PPP2R5C: variants seen among roughly 807,000 people sequenced by gnomAD.
The protein encoded by PPP2R5C is protein phosphatase 2 regulatory subunit B'gamma.
In PPP2R5C, 7 loss-of-function variants were observed where a neutral mutation model predicts 68.9. That is an observed-to-expected ratio of 0.10 (90% CI 0.06 to 0.19). The LOEUF is 0.19. Among genes scored for constraint, PPP2R5C ranks in the 10% least tolerant of loss-of-function variants. The probability of loss-of-function intolerance (pLI) is 1.00; values close to 1 mark genes in which losing one functional copy is unlikely to be tolerated. For synonymous variants in PPP2R5C, 210 were observed against 222.2 expected (o/e 0.95, Z 0.49); for missense variants, 348 against 641.3 (o/e 0.54, Z 4.94).
intron 2 of PPP2R5C, among the ~76,000 whole-genome samples, chr14:101,784,352 TA>T (rs976602283): frequency 1.3e-5 from 2 of 152,166 alleles, no homozygotes; most frequent in African/African-American, 4.8e-5. Context: ...CACACAGCTA[TA>T]AAAAACTACC....
intron 1 of PPP2R5C, among the ~76,000 whole-genome samples, chr14:101,827,270 C>G (rs1195626056): frequency 1.3e-5 from 2 of 152,096 alleles, no homozygotes; most frequent in Non-Finnish European, 2.9e-5. Context: ...GCCACTACAC[C>G]CAGCCTTGTT....
intron 2 of PPP2R5C, among the ~76,000 whole-genome samples, chr14:101,867,279 C>T (rs1222088888): frequency 6.6e-6 from 1 of 151,420 alleles, no homozygotes; most frequent in Non-Finnish European, 1.5e-5. Context: ...CGCACGCCTG[C>T]ACCTATATGC....
intron 3 of PPP2R5C, among the ~76,000 whole-genome samples, chr14:101,802,858 A>C (rs2038923966): frequency 6.6e-6 from 1 of 151,892 alleles, no homozygotes; most frequent in South Asian, 2.1e-4. Flanking sequence ...TGACCAATAA[A>C]TGCATGAAAA....
chr14:101,825,058 C>T lies in PPP2R5C; in HGVS notation c.94+15022C>T, dbSNP rs1045880319. 3 of 152,198 alleles carry T rather than the reference C, an allele frequency of 2.0e-5. No individual in the cohort carries two copies. The highest frequency in any genetic ancestry group is 7.2e-5 in the African/African-American group (3 of 41,424). 9.4% of individuals were successfully genotyped at this position (152,198 alleles called of 1,614,324 possible). On this transcript the variant is annotated intron_variant, in intron 1 of 13. Coordinates refer to ENST00000334743, the Ensembl canonical transcript of PPP2R5C. This position sits in a 1 kb window ranked among gnomAD's most constrained non-coding sequence, Gnocchi z 4.0. ...GAGAGCAGTTAAGTGGAAGGCAAGA[C>T]GCAGCAGTGGCTTCTCACGCCATCT...
At chr14:101,808,041 C>T (rs1167367660), upstream of PPP2R5C, among the ~76,000 whole-genome samples, 4 of 150,800 alleles carry the variant, frequency 2.7e-5, no homozygotes, top group African/African-American at 9.8e-5. Context: ...CTTCCTGAGC[C>T]CCTGAACGCC....
At chr14:101,791,173 G>A (rs892816737) in intron 3 of PPP2R5C, among the ~76,000 whole-genome samples, 2 of 152,198 alleles carry the variant, frequency 1.3e-5, no homozygotes, top group African/African-American at 4.8e-5. Context: ...CAATGTATGA[G>A]GGCTCTGATG....
At chr14:101,889,895 G>A (rs1397812191) in intron 5 of PPP2R5C, 1 of 459,514 alleles carries the variant, frequency 2.2e-6, no homozygotes, top group Admixed American at 2.6e-5. Flanking sequence ...AGATGTGCGT[G>A]TGATCAAGCA....
At chr14:101,902,652 A>ACGTGAAGGGCCAGGTGG in intron 9 of PPP2R5C, among the ~76,000 whole-genome samples, 1 of 152,310 alleles carries the variant, frequency 6.6e-6, no homozygotes, top group African/African-American at 2.4e-5. Context: ...TTACAGCCAA[A>ACGTGAAGGGCCAGGTGG]CGTGAAGGGC....
intron 3 of PPP2R5C, among the ~76,000 whole-genome samples, chr14:101,804,746 G>A (rs1011710084): frequency 1.3e-5 from 2 of 152,136 alleles, no homozygotes; most frequent in African/African-American, 4.8e-5. Flanking sequence ...GTTGGCGGGG[G>A]GGATGGTCAA....
chr14:101,814,573 G>A (rs1168261830), intron 1 of PPP2R5C, among the ~76,000 whole-genome samples: 6 of 152,154 alleles, frequency 3.9e-5, no homozygotes, highest in African/African-American at 1.4e-4. Flanking sequence ...TTACCATCCA[G>A]CTTGGGTCTA....
chr14:101,789,857 T>A (rs1358633895), intron 3 of PPP2R5C: 4 of 151,836 alleles, frequency 2.6e-5, no homozygotes, highest in Non-Finnish European at 4.4e-5. Context: ...TGGAACTCAG[T>A]GGGCCTGTTG....
At chr14:101,840,043 C>T (rs1192603555) in intron 1 of PPP2R5C, among the ~76,000 whole-genome samples, 1 of 152,032 alleles carries the variant, frequency 6.6e-6, no homozygotes, top group Non-Finnish European at 1.5e-5. Context: ...TCACATTAGC[C>T]ATTGAATACT....
At chr14:101,771,371 C>A (rs894416473) in intron 2 of PPP2R5C, among the ~76,000 whole-genome samples, 2 of 151,850 alleles carry the variant, frequency 1.3e-5, no homozygotes, top group Non-Finnish European at 2.9e-5. Context: ...TCTCCTGCCT[C>A]AGCCTCCCAA....
intron 13 of PPP2R5C, among the ~76,000 whole-genome samples, chr14:101,919,980 A>AAAACAAAAAAAAC (rs1595562266): frequency 1.8e-5 from 2 of 114,144 alleles, no homozygotes; most frequent in African/African-American, 4.5e-5. Context: ...AAAAAAAAAA[A>AAAACAAAAAAAAC]AAAAAAAAAA....
chr14:101,911,430 C>T (rs1026933510), intron 11 of PPP2R5C, among the ~76,000 whole-genome samples: 11 of 152,320 alleles, frequency 7.2e-5, no homozygotes, highest in African/African-American at 2.6e-4. Context: ...CTAGAGCTGC[C>T]AGCTGCATGG....
intron 8 of PPP2R5C, 82 bp downstream of exon 10, chr14:101,894,642 G>A (rs2045182794): frequency 1.5e-6 from 2 of 1,356,878 alleles, no homozygotes; most frequent in Non-Finnish European, 2.1e-6. Flanking sequence ...TCACCAAATT[G>A]CCATTCATTC....
intron 9 of PPP2R5C, 122 bp downstream of exon 11, chr14:101,902,011 T>C (rs1432856951): frequency 9.3e-7 from 1 of 1,070,336 alleles, no homozygotes; most frequent in Admixed American, 2.6e-5. Flanking sequence ...TCCAAGTTTT[T>C]ACTTGAATTA....
intron 1 of PPP2R5C, chr14:101,820,015 A>G (rs1207735641): frequency 6.6e-6 from 1 of 152,194 alleles, no homozygotes; most frequent in African/African-American, 2.4e-5. Flanking sequence ...AAAAGCGCCC[A>G]TGTGATGTGT....
rs1397504358 is a variant in PPP2R5C, at chr14:101,785,864, C to G, written c.94-154C>G. On this transcript the variant is annotated intron_variant, in intron 2 of 14. Transcript: ENST00000328724. ...ATATTGCTGAAGGTGGGACATAAGC[C>G]CCATACTCCAGCCACTCTAAGGAAT... is the stretch of plus-strand genomic sequence containing the variant. Among the ~76,000 whole-genome samples, 3 of 152,140 alleles carry G rather than the reference C, an allele frequency of 2.0e-5. No individual in the cohort carries two copies. The South Asian group carries it at 6.2e-4, about 32-fold the overall frequency.
Sources: gnomAD v4.1 joint callset for allele counts (sites outside exome capture counted in the v4.1 genomes callset) on GRCh38, gnomAD v4.1.1 for gene constraint, Gnocchi (gnomAD v3.1) non-coding constraint, MANE v1.5 for transcripts, NCBI Gene and HGNC (gene_info 2026-07-23, HGNC 2026-07-21) for gene names.